Variants in STYXL2 observed in about 807,000 individuals in gnomAD.
The protein encoded by STYXL2 is serine/threonine/tyrosine-interacting-like protein 2.
STYXL2 carries 44 observed loss-of-function variants against 52.4 expected under a neutral mutation model. That is an observed-to-expected ratio of 0.84 (90% CI 0.66 to 1.08). The LOEUF (loss-of-function observed/expected upper bound fraction) is 1.08, where lower values mean the gene tolerates loss of function less well. Among genes scored for constraint, STYXL2 ranks in the 50% least tolerant of loss-of-function variants. STYXL2 has a pLI of 0.00. For missense variants in STYXL2, 1,604 were observed against 1,471.7 expected (o/e 1.09, Z -1.47); for synonymous variants, 604 against 586.9 (o/e 1.03, Z -0.42).
chr1:167,120,419 G>A (rs926695642), intron 5 of STYXL2, among the ~76,000 whole-genome samples: 14 of 152,266 alleles, frequency 9.2e-5, no homozygotes, highest in Admixed American at 5.2e-4. Context: ...AAATCCTAAA[G>A]TTGCTGTGAG....
chr1:167,111,513 T>TATATATATATATACAC (rs1211215448), intron 2 of STYXL2, among the ~76,000 whole-genome samples: 4 of 50,130 alleles, frequency 8.0e-5, no homozygotes, highest in African/African-American at 4.9e-4. Context: ...TATATATATA[T>TATATATATATATACAC]ACACACACAC....
rs971554501 is a variant in STYXL2, at chr1:167,127,731, C to T, written c.2600C>T (p.Ser867Phe). Residue 867 changes from serine to phenylalanine, a missense_variant, in exon 6 of 6, where the codon TCC (serine) becomes TTC (phenylalanine). Transcript: ENST00000361200. ...EKLASDNKRS[S>F]LFKKKKVKED... The stretch of plus-strand genomic sequence containing the variant: ...CTGGCCTCAGACAACAAACGCAGCT[C>T]CCTCTTCAAGAAGAAGAAGGTCAAG... The T allele has an allele frequency of 6.8e-6, 11 of 1,613,792 alleles. No homozygotes were observed. The African/African-American group carries it at 1.3e-4, about 20-fold the overall frequency.
intron 2 of STYXL2, among the ~76,000 whole-genome samples, chr1:167,103,565 G>A (rs573608800): frequency 6.6e-6 from 1 of 152,272 alleles, no homozygotes; most frequent in South Asian, 2.1e-4. Flanking sequence ...AATGGATGGG[G>A]TATCAAATCT....
chr1:167,117,371 C>A lies in STYXL2; in HGVS notation c.249C>A (p.Gly83=). 6.2e-7 allele frequency: 1 copy of A among 1,612,220 alleles called. No individual in the cohort carries two copies. Among genetic ancestry groups the A allele is most frequent in the South Asian group, 1.1e-5 (1 of 90,526 alleles). The change falls in exon 4 of 6, where the codon GGC becomes GGA. Residue 83 remains glycine (G), a synonymous_variant. Coordinates refer to ENST00000361200, the MANE Select transcript of STYXL2 (RefSeq NM_001080426.3). ...TCAGAGCAGACGCAGAGTGTCCAGG[C>A]ATGCTGGAGTCTGCTGAACAGCTGC... The part of the protein sequence containing the change: ...PGVRADAECP[G]MLESAEQLLV...
At chr1:167,104,033 TG>T (rs1188794411) in intron 2 of STYXL2, among the ~76,000 whole-genome samples, 1 of 151,972 alleles carries the variant, frequency 6.6e-6, no homozygotes, top group Non-Finnish European at 1.5e-5. Flanking sequence ...GACAGGTGAA[TG>T]GCATGAATCG....
chr1:167,120,791 T>C (rs1237734425), intron 5 of STYXL2, among the ~76,000 whole-genome samples: 1 of 133,070 alleles, frequency 7.5e-6, no homozygotes, highest in Non-Finnish European at 1.7e-5. Context: ...CAAATACACA[T>C]ATTTTAAATA....
intron 2 of STYXL2, among the ~76,000 whole-genome samples, chr1:167,097,414 T>A (rs1159222969): frequency 6.6e-6 from 1 of 152,264 alleles, no homozygotes; most frequent in Non-Finnish European, 1.5e-5. Flanking sequence ...TTCCTAGATA[T>A]AGTTTTCAAT....
chr1:167,113,971 T>A (rs1365907778), intron 3 of STYXL2, among the ~76,000 whole-genome samples, 167 bp downstream of exon 3: 3 of 152,204 alleles, frequency 2.0e-5, no homozygotes, highest in Non-Finnish European at 2.9e-5. Context: ...TCAACTTTGA[T>A]AGGATGGAAG....
chr1:167,104,812 G>A (rs1667477777), intron 2 of STYXL2, among the ~76,000 whole-genome samples: 1 of 152,062 alleles, frequency 6.6e-6, no homozygotes, highest in Non-Finnish European at 1.5e-5. Context: ...CTCCTCCTGG[G>A]CCTCTACCTC....
Position 167,126,497 on chromosome 1 carries a change from G to C in STYXL2, c.1366G>C (p.Glu456Gln). Residue 456 changes from glutamate to glutamine, a missense_variant, in exon 6 of 6, where the codon GAG becomes CAG. Transcript: ENST00000361200. ...CATCTGGGTCCTGAAGCAGCAGCTG[G>C]AGCTGAACCGCCCGGACCACGGCAG... ...HDIWVLKQQL[E>Q]LNRPDHGRRR... 1 of 1,610,320 alleles carries C rather than the reference G, an allele frequency of 6.2e-7. No homozygotes were observed. The highest frequency in any genetic ancestry group is 8.5e-7 in the Non-Finnish European group (1 of 1,178,466).
chr1:167,102,823 A>C (rs1667428793), intron 2 of STYXL2, among the ~76,000 whole-genome samples: 1 of 152,190 alleles, frequency 6.6e-6, no homozygotes, highest in African/African-American at 2.4e-5. Context: ...TGAGTCTTTA[A>C]GTTAAATTTT....
intron 5 of STYXL2, among the ~76,000 whole-genome samples, chr1:167,121,408 T>A (rs972666988): frequency 1.3e-5 from 2 of 152,224 alleles, no homozygotes; most frequent in African/African-American, 2.4e-5. Flanking sequence ...CCCACCTCGC[T>A]CGCAGGTCCT....
At chr1:167,101,835 G>C in intron 2 of STYXL2, among the ~76,000 whole-genome samples, 1 of 149,308 alleles carries the variant, frequency 6.7e-6, no homozygotes, top group East Asian at 1.9e-4. Context: ...TCTATGCAAA[G>C]ACTGGGACAT....
At chr1:167,102,137 TG>T (rs1203837534) in intron 2 of STYXL2, among the ~76,000 whole-genome samples, 1 of 122,404 alleles carries the variant, frequency 8.2e-6, no homozygotes, top group African/African-American at 3.2e-5. Context: ...AATGGTTGCC[TG>T]GGGGGCATAG....
rs768248884 is a variant in STYXL2, at chr1:167,119,337, C to T, written c.526C>T (p.Pro176Ser). The change falls in exon 5 of 6, where the codon CCC (proline) becomes TCC (serine). Residue 176 changes from proline to serine, a missense_variant. Physicochemically the swap from Pro to Ser is moderately conservative, Grantham distance 74. Transcript: ENST00000361200. ...GCATGGCACCGGCGTTTACACTGGC[C>T]CCGAATTCTACACTGGCCTGGAGAT... ...AAHGTGVYTG[P>S]EFYTGLEIQY... is the part of the protein sequence containing the mutation. 1.2e-6 allele frequency: 2 copies of T among 1,609,754 alleles called. No individual in the cohort carries two copies. Among genetic ancestry groups the T allele is most frequent in the Middle Eastern group, 1.7e-4 (1 of 6,050 alleles).
At position 167,127,164 on chromosome 1, in the gene STYXL2, T is replaced by C; in HGVS notation, c.2033T>C (p.Val678Ala). The C allele has an allele frequency of 6.2e-7, 1 of 1,614,100 alleles. No individual in the cohort carries two copies. The highest frequency in any genetic ancestry group is 1.6e-4 in the Middle Eastern group (1 of 6,062). Reference protein sequence around the residue: ...SVSADGDTTSVLSTQSHRSHL... With the variant: ...SVSADGDTTSALSTQSHRSHL... ...AGCGCTGATGGGGACACGACGTCAG[T>C]ACTGAGCACCCAGAGCCACCGCTCC... Residue 678 changes from valine (V) to alanine (A), a missense_variant, in exon 6 of 6, where the codon GTA becomes GCA. Transcript: ENST00000361200.
intron 3 of STYXL2, 106 bp from the exon 4 acceptor site, chr1:167,117,222 G>T: frequency 9.7e-7 from 1 of 1,033,796 alleles, no homozygotes. Context: ...TTCAGTCCAT[G>T]CCCAGAATCC....
At chr1:167,097,725 T>G (rs180720354) in intron 2 of STYXL2, among the ~76,000 whole-genome samples, 1 of 148,424 alleles carries the variant, frequency 6.7e-6, no homozygotes, top group Non-Finnish European at 1.5e-5. Flanking sequence ...AATAAGAAAA[T>G]AGTAGGATGG....
Position 167,117,373 on chromosome 1 carries a change from T to A in STYXL2, c.251T>A (p.Met84Lys). 6.2e-7 allele frequency: 1 copy of A among 1,612,432 alleles called. No individual in the cohort carries two copies. Among genetic ancestry groups the A allele is most frequent in the Non-Finnish European group, 8.5e-7 (1 of 1,179,316 alleles). Residue 84 changes from methionine to lysine, a missense_variant, in exon 4 of 6, where the codon ATG (methionine) becomes AAG (lysine). Coordinates refer to ENST00000361200, the MANE Select transcript of STYXL2 (RefSeq NM_001080426.3). ...AGAGCAGACGCAGAGTGTCCAGGCA[T>A]GCTGGAGTCTGCTGAACAGCTGCTG... ...GVRADAECPG[M>K]LESAEQLLVE... is the part of the protein sequence containing the mutation.
Sources: allele counts gnomAD v4.1 joint callset (sites outside exome capture counted in the v4.1 genomes callset), GRCh38; gene constraint gnomAD v4.1.1; transcripts MANE v1.5; gene names NCBI Gene and HGNC (gene_info 2026-07-23, HGNC 2026-07-21).